The following RSPO2 variants were observed in gnomAD, a reference collection of about 807,000 sequenced individuals.
RSPO2 encodes the protein R-spondin 2, also known as R-spondin-2.
A neutral mutation model predicts 30.9 loss-of-function variants in RSPO2; 14 were observed. The ratio of observed to expected loss-of-function variants is 0.45; its 90% CI spans 0.30 to 0.71. The LOEUF is 0.71. Among genes scored for constraint, RSPO2 ranks in the 30% least tolerant of loss-of-function variants. The pLI is 0.08. For synonymous variants in RSPO2, 107 were observed against 96.4 expected (o/e 1.11, Z -0.64); for missense variants, 264 against 301.9 (o/e 0.87, Z 0.93).
At chr8:107,952,412 A>T (rs1343486359) in intron 5 of RSPO2, among the ~76,000 whole-genome samples, 1 of 152,198 alleles carries the variant, frequency 6.6e-6, no homozygotes, top group African/African-American at 2.4e-5. Flanking sequence ...TTTCTCAGAC[A>T]GACATTATAA....
intron 3 of RSPO2, among the ~76,000 whole-genome samples, chr8:107,970,032 G>C (rs1017337257): frequency 6.6e-6 from 1 of 152,018 alleles, no homozygotes; most frequent in Non-Finnish European, 1.5e-5. Flanking sequence ...CCCCATCCAA[G>C]GAAAACAAGA....
At chr8:108,006,848 A>G (rs1259277432) in intron 2 of RSPO2, among the ~76,000 whole-genome samples, 1 of 152,216 alleles carries the variant, frequency 6.6e-6, no homozygotes. Context: ...ATATTTGTCT[A>G]TATCTATATA....
At chr8:107,940,952 T>TC (rs1812876957) in intron 5 of RSPO2, among the ~76,000 whole-genome samples, 2 of 152,176 alleles carry the variant, frequency 1.3e-5, no homozygotes. Flanking sequence ...CGGTTTGAGT[T>TC]CCCTGCTATC....
chr8:108,023,019 C>T (rs1468657537), intron 2 of RSPO2, among the ~76,000 whole-genome samples: 6 of 151,366 alleles, frequency 4.0e-5, no homozygotes, highest in Admixed American at 2.6e-4. Flanking sequence ...TTTTTATTCT[C>T]CCTGCCCCAC....
chr8:107,974,768 A>G (rs1219033175), intron 3 of RSPO2, among the ~76,000 whole-genome samples: 2 of 152,118 alleles, frequency 1.3e-5, no homozygotes, highest in East Asian at 3.8e-4. Context: ...TTCCAGATCT[A>G]TGTATATAAT....
intron 2 of RSPO2, among the ~76,000 whole-genome samples, chr8:108,056,521 G>A (rs1254842687): frequency 1.3e-5 from 2 of 150,482 alleles, no homozygotes; most frequent in African/African-American, 4.9e-5. Context: ...TACTTGGGAG[G>A]CTGAGGTGAG....
chr8:108,044,088 A>G (rs1158101395), intron 2 of RSPO2, among the ~76,000 whole-genome samples: 1 of 151,930 alleles, frequency 6.6e-6, no homozygotes, highest in East Asian at 1.9e-4. Context: ...ATTAGGTCCC[A>G]ATGGTTATGC....
At chr8:107,908,528 C>A (rs546768661) in intron 5 of RSPO2, among the ~76,000 whole-genome samples, 1 of 152,218 alleles carries the variant, frequency 6.6e-6, no homozygotes, top group African/African-American at 2.4e-5. Flanking sequence ...CACAAGGGGG[C>A]AATAATTCAC....
chr8:108,077,760 T>C (rs141494688), intron 2 of RSPO2, among the ~76,000 whole-genome samples: 297 of 152,276 alleles, frequency 2.0e-3, no homozygotes, highest in Non-Finnish European at 2.9e-3. Context: ...TGTATAAATA[T>C]AGATACGCAA....
chr8:107,951,201 A>G (rs896613761), intron 5 of RSPO2, among the ~76,000 whole-genome samples: 1 of 151,962 alleles, frequency 6.6e-6, no homozygotes, highest in African/African-American at 2.4e-5. Flanking sequence ...GATCACAGGC[A>G]TGTACCACCA....
At chr8:107,998,528 A>G (rs1815106318) in intron 2 of RSPO2, among the ~76,000 whole-genome samples, 1 of 152,194 alleles carries the variant, frequency 6.6e-6, no homozygotes, top group Non-Finnish European at 1.5e-5. Flanking sequence ...GTGAATGTAA[A>G]GACAACAAAT....
chr8:107,976,628 A>C lies in RSPO2; in HGVS notation c.283+12428T>G, dbSNP rs77549655. On this transcript the variant is annotated intron_variant, in intron 3 of 5. Coordinates refer to ENST00000276659, the MANE Select transcript of RSPO2 (RefSeq NM_178565.5). ...TCTCACAGTCTCTGCTAATTTTTAG[A>C]CATGAGGACACTGGGGCTCAGATTA... 4.7e-3 allele frequency among the ~76,000 whole-genome samples: 714 copies of C among 152,228 alleles called. 9 individuals carry two copies. The highest frequency in any genetic ancestry group is 0.017 in the African/African-American group (688 of 41,528).
intron 2 of RSPO2, among the ~76,000 whole-genome samples, chr8:107,995,829 G>C (rs1346943082): frequency 6.6e-6 from 1 of 151,936 alleles, no homozygotes; most frequent in Non-Finnish European, 1.5e-5. Context: ...CCCAACCCTA[G>C]ACCTACCTCT....
chr8:108,067,204 T>C (rs1479757228), intron 2 of RSPO2, among the ~76,000 whole-genome samples: 1 of 151,956 alleles, frequency 6.6e-6, no homozygotes, highest in Non-Finnish European at 1.5e-5. Flanking sequence ...GTGCAATGAG[T>C]GGGTGTTATT....
intron 5 of RSPO2, among the ~76,000 whole-genome samples, chr8:107,946,300 C>A (rs1449563184): frequency 6.6e-6 from 1 of 152,198 alleles, no homozygotes; most frequent in African/African-American, 2.4e-5. Flanking sequence ...TTGGGCAAAT[C>A]TTCGACTTCC....
chr8:107,959,453 G>A (rs941652113), intron 4 of RSPO2, among the ~76,000 whole-genome samples: 6 of 152,146 alleles, frequency 3.9e-5, no homozygotes, highest in African/African-American at 7.2e-5. Context: ...CAACTTCACC[G>A]TTAAAACTCC....
intron 2 of RSPO2, among the ~76,000 whole-genome samples, chr8:108,031,290 A>C (rs1811414493): frequency 6.6e-6 from 1 of 152,212 alleles, no homozygotes; most frequent in African/African-American, 2.4e-5. Context: ...TCACCATTAC[A>C]CGGTGCAGAA....
At chr8:108,011,246 AAAGG>A (rs1810703030) in intron 2 of RSPO2, among the ~76,000 whole-genome samples, 1 of 151,962 alleles carries the variant, frequency 6.6e-6, no homozygotes, top group Non-Finnish European at 1.5e-5. Flanking sequence ...AAAGGAAAGG[AAAGG>A]AAAGAAAGTA....
chr8:107,923,645 A>C (rs1162174016), intron 5 of RSPO2, among the ~76,000 whole-genome samples: 2 of 152,176 alleles, frequency 1.3e-5, no homozygotes, highest in African/African-American at 4.8e-5. Flanking sequence ...ACTATTCACA[A>C]CAGCCAAGAC....
Sources: gnomAD v4.1 joint callset for allele counts (sites outside exome capture counted in the v4.1 genomes callset) on GRCh38, gnomAD v4.1.1 for gene constraint, MANE v1.5 for transcripts, NCBI Gene and HGNC (gene_info 2026-07-23, HGNC 2026-07-21) for gene names.